CCDC30: variants seen among roughly 807,000 people sequenced by gnomAD.
CCDC30 encodes the protein coiled-coil domain-containing protein 30.
Under a neutral mutation model 100.2 loss-of-function variants are expected in CCDC30, and 70 were observed. The observed-to-expected ratio is 0.70, with a 90% CI of 0.58 to 0.85. The LOEUF is 0.85. CCDC30 is among the 40% of genes least tolerant of loss of function. The probability of loss-of-function intolerance (pLI) is 0.00; values close to 1 mark genes in which losing one functional copy is unlikely to be tolerated. For synonymous variants in CCDC30, 233 were observed against 269.5 expected (o/e 0.86, Z 1.33); for missense variants, 652 against 771.2 (o/e 0.85, Z 1.83).
chr1:42,637,127 A>T (rs1467643712), intron 11 of CCDC30, 110 bp from the exon 16 acceptor site: 2 of 824,262 alleles, frequency 2.4e-6, no homozygotes, highest in African/African-American at 3.6e-5. Flanking sequence ...ATCCGGTGCC[A>T]GTTCCCTGAC....
the CCDC30 span, chr1:42,456,530 G>A: frequency 2.8e-6 from 4 of 1,440,260 alleles, no homozygotes. Flanking sequence ...CGCGGCGGCC[G>A]CGAAACGTGC....
chr1:42,583,420 G>A (rs866549817), intron 9 of CCDC30, among the ~76,000 whole-genome samples: 1 of 152,292 alleles, frequency 6.6e-6, no homozygotes. Context: ...ACCGAAAGGG[G>A]ACCCTATAGT....
intron 1 of CCDC30, among the ~76,000 whole-genome samples, chr1:42,474,839 G>C (rs1465696423): frequency 6.6e-6 from 1 of 152,082 alleles, no homozygotes; most frequent in Non-Finnish European, 1.5e-5. Context: ...GAGCATATTC[G>C]CTTTCTACCT....
At chr1:42,539,015 A>G (rs1441178495) in intron 6 of CCDC30, among the ~76,000 whole-genome samples, 158 bp from the exon 8 acceptor site, 1 of 152,240 alleles carries the variant, frequency 6.6e-6, no homozygotes, top group Non-Finnish European at 1.5e-5. Context: ...TGTTTTAACT[A>G]CTAAGAAAGG....
intron 11 of CCDC30, among the ~76,000 whole-genome samples, chr1:42,613,763 T>TTGGTTTTGGC (rs1040444734): frequency 6.6e-6 from 1 of 152,178 alleles, no homozygotes; most frequent in East Asian, 1.9e-4. Context: ...CATTGCCATA[T>TTGGTTTTGGC]TGGTTTTGGC....
intron 1 of CCDC30, among the ~76,000 whole-genome samples, chr1:42,476,467 G>T (rs914125860): frequency 6.6e-6 from 1 of 152,116 alleles, no homozygotes; most frequent in South Asian, 2.1e-4. Flanking sequence ...GAGGTGGGCG[G>T]ATCACCTGAG....
chr1:42,475,888 GT>G (rs989486425), intron 1 of CCDC30, among the ~76,000 whole-genome samples: 60 of 148,604 alleles, frequency 4.0e-4, no homozygotes, highest in African/African-American at 1.2e-3. Flanking sequence ...TCCTCTTTAG[GT>G]TTTTTTTTTC....
chr1:42,551,447 T>C (rs887077476), intron 6 of CCDC30, among the ~76,000 whole-genome samples: 17 of 152,098 alleles, frequency 1.1e-4, no homozygotes, highest in Non-Finnish European at 2.5e-4. Context: ...TCCTTTCAGT[T>C]AAAAATTAAG....
chr1:42,554,559 GAGCCACC>G (rs200284842), intron 6 of CCDC30, among the ~76,000 whole-genome samples: 20,574 of 152,010 alleles, frequency 0.14, 1,513 homozygotes, highest in East Asian at 0.17. Context: ...TTACAGACGT[GAGCCACC>G]ACACCTGACC....
At chr1:42,589,451 C>A in exon 10 of CCDC30, 2 of 1,613,756 alleles carry the variant, frequency 1.2e-6, no homozygotes, top group South Asian at 2.2e-5. Flanking sequence ...CCTACTTAAA[C>A]AACTGGAAAA....
At chr1:42,547,795 G>A (rs1405015370) in intron 6 of CCDC30, among the ~76,000 whole-genome samples, 1 of 152,140 alleles carries the variant, frequency 6.6e-6, no homozygotes, top group Non-Finnish European at 1.5e-5. Flanking sequence ...GCAAGACATT[G>A]TGTATCTACC....
intron 6 of CCDC30, among the ~76,000 whole-genome samples, chr1:42,512,502 T>C (rs1195860717): frequency 6.6e-6 from 1 of 152,210 alleles, no homozygotes; most frequent in Non-Finnish European, 1.5e-5. Context: ...CCCTGAGTTA[T>C]ATCCTTTGTT....
chr1:42,576,333 G>A (rs1353200280), intron 7 of CCDC30, among the ~76,000 whole-genome samples: 1 of 152,198 alleles, frequency 6.6e-6, no homozygotes, highest in Non-Finnish European at 1.5e-5. Context: ...TGTGCTAAAT[G>A]ATTGGAATTG....
chr1:42,608,605 T>A lies in CCDC30; in HGVS notation c.1165-2373T>A, dbSNP rs138843695. ...GGGTAGTCCCAGCTACTCGGGAGGC[T>A]GAGGCGGGAGAATGGCGTGAACCCG... On this transcript the variant is annotated intron_variant, in intron 10 of 16. Coordinates refer to ENST00000668663, the Ensembl canonical transcript of CCDC30. 4.7e-4 allele frequency among the ~76,000 whole-genome samples: 70 copies of A among 148,924 alleles called. 1 individual carries two copies. Among genetic ancestry groups the A allele is most frequent in the African/African-American group, 1.6e-3 (65 of 40,252 alleles).
At chr1:42,606,264 G>A (rs1646499590) in intron 10 of CCDC30, among the ~76,000 whole-genome samples, 1 of 152,098 alleles carries the variant, frequency 6.6e-6, no homozygotes, top group African/African-American at 2.4e-5. Context: ...CTGCATTTTG[G>A]TATTGCAGTA....
chr1:42,462,053 T>C (rs568717362), upstream of CCDC30, among the ~76,000 whole-genome samples: 2 of 152,364 alleles, frequency 1.3e-5, no homozygotes, highest in East Asian at 3.9e-4. Flanking sequence ...GTGATCTTAA[T>C]GTTTGTCTTT....
At chr1:42,495,760 T>C (rs1644222806) in intron 4 of CCDC30, among the ~76,000 whole-genome samples, 2 of 152,132 alleles carry the variant, frequency 1.3e-5, no homozygotes, top group South Asian at 4.2e-4. Flanking sequence ...CAGGCTCAGA[T>C]TGCTTCATTA....
rs1055323415 is a variant in CCDC30 at position 42,646,697 on chromosome 1, C to T, written c.1854+380C>T. Among the ~76,000 whole-genome samples the T allele has an allele frequency of 5.3e-5, 8 of 152,318 alleles. No individual in the cohort carries two copies. The South Asian group carries it at 1.7e-3, about 32-fold the overall frequency. On this transcript the variant is annotated intron_variant, in intron 15 of 16. Coordinates refer to ENST00000668663, the Ensembl canonical transcript of CCDC30. ...AGCCTTCCCTCACTGCCAGGATAAC[C>T]CCTTTGGGACCTCCCCTATTTGGGA...
intron 6 of CCDC30, among the ~76,000 whole-genome samples, chr1:42,559,815 T>C (rs1326694803): frequency 6.6e-6 from 1 of 152,128 alleles, no homozygotes; most frequent in Non-Finnish European, 1.5e-5. Context: ...CAGAACTCTG[T>C]ACCCCAAATC....
Sources: gnomAD v4.1 joint callset for allele counts (sites outside exome capture counted in the v4.1 genomes callset) on GRCh38, gnomAD v4.1.1 for gene constraint, MANE v1.5 for transcripts, NCBI Gene and HGNC (gene_info 2026-07-23, HGNC 2026-07-21) for gene names.